The following EYA1 variants were observed in gnomAD, a reference collection of about 807,000 sequenced individuals.
The protein encoded by EYA1 is EYA transcriptional coactivator and phosphatase 1, also known as protein phosphatase EYA1.
Under a neutral mutation model 82.0 loss-of-function variants are expected in EYA1, and 16 were observed. The ratio of observed to expected loss-of-function variants is 0.20; its 90% CI spans 0.13 to 0.30. EYA1 has a LOEUF of 0.30. Among genes scored for constraint, EYA1 ranks in the 10% least tolerant of loss-of-function variants. The pLI, the probability that EYA1 is intolerant of heterozygous loss-of-function variation, is 1.00. For synonymous variants in EYA1, 261 were observed against 264.4 expected, an observed-to-expected ratio of 0.99 and a Z score of 0.12; for missense variants, 633 against 730.7, an observed-to-expected ratio of 0.87 and a Z score of 1.54.
chr8:71,511,227 T>C (rs778778101), intron 2 of EYA1, among the ~76,000 whole-genome samples: 3 of 152,342 alleles, frequency 2.0e-5, no homozygotes, highest in Middle Eastern at 6.8e-3. Context: ...AATTTGTCAA[T>C]CTATTCCTTC....
intron 1 of EYA1, among the ~76,000 whole-genome samples, chr8:71,357,382 T>G (rs1346781240): frequency 6.6e-6 from 1 of 152,250 alleles, no homozygotes; most frequent in African/African-American, 2.4e-5. Flanking sequence ...ATGTGCAGGC[T>G]TTGACAGTCA....
intron 2 of EYA1, among the ~76,000 whole-genome samples, chr8:71,406,910 C>T (rs1333691693): frequency 6.9e-6 from 1 of 145,528 alleles, no homozygotes; most frequent in East Asian, 2.0e-4. Context: ...TAGGCTCCAC[C>T]TCTGGGGGCA....
intron 2 of EYA1, among the ~76,000 whole-genome samples, chr8:71,464,364 T>C (rs1808626730): frequency 1.3e-5 from 2 of 152,352 alleles, no homozygotes; most frequent in East Asian, 1.9e-4. Flanking sequence ...TTGCAGCTTA[T>C]GTCTTTCACC....
rs546926397 is a variant in EYA1, at chr8:71,360,288, T to C, written c.-55+1359A>G. 3.9e-5 allele frequency among the ~76,000 whole-genome samples: 6 copies of C among 152,372 alleles called. No homozygotes were observed. The South Asian group carries it at 6.2e-4, about 16-fold the overall frequency. On this transcript the variant is annotated intron_variant, in intron 1 of 17. Transcript: ENST00000340726. ...TAAAGGATTGTTTTCAATATCAATT[T>C]ACTTAAAATGTTGAATGAAATACTT...
intron 3 of EYA1, among the ~76,000 whole-genome samples, chr8:71,342,110 A>G (rs1157516896): frequency 1.3e-5 from 2 of 152,104 alleles, no homozygotes; most frequent in Non-Finnish European, 1.5e-5. Context: ...CTCCATACTA[A>G]TGCTCATCTC....
At chr8:71,211,385 A>T (rs1808490353) in intron 16 of EYA1, 129 bp from the exon 17 acceptor site, 2 of 688,834 alleles carry the variant, frequency 2.9e-6, no homozygotes, top group African/African-American at 3.5e-5. Flanking sequence ...CTCTAAGAGG[A>T]ATGCTTTTAT....
intron 2 of EYA1, among the ~76,000 whole-genome samples, chr8:71,509,363 T>A (rs1812430329): frequency 6.6e-6 from 1 of 152,184 alleles, no homozygotes; most frequent in Admixed American, 6.5e-5. Flanking sequence ...TACATAAGGT[T>A]AACGTTTTAT....
intron 9 of EYA1, among the ~76,000 whole-genome samples, chr8:71,281,264 A>G (rs913837452): frequency 1.3e-5 from 2 of 152,044 alleles, no homozygotes; most frequent in Non-Finnish European, 2.9e-5. Flanking sequence ...TTTTTCTTGA[A>G]TGGTCATTAA....
chr8:71,511,078 T>G (rs1010749088), intron 2 of EYA1, among the ~76,000 whole-genome samples: 1 of 151,866 alleles, frequency 6.6e-6, no homozygotes, highest in Non-Finnish European at 1.5e-5. Context: ...ACTGTAAGAG[T>G]CTCCTAAAAA....
chr8:71,374,432 G>A (rs1206501829), intron 2 of EYA1, among the ~76,000 whole-genome samples: 1 of 152,084 alleles, frequency 6.6e-6, no homozygotes, highest in East Asian at 1.9e-4. Context: ...ACCACCATGA[G>A]ATATCACCTT....
intron 2 of EYA1, among the ~76,000 whole-genome samples, chr8:71,464,242 C>A (rs1217111083): frequency 1.3e-5 from 2 of 152,184 alleles, no homozygotes; most frequent in African/African-American, 4.8e-5. Context: ...CTCTAAGTGA[C>A]AAGTTTCACA....
At chr8:71,477,955 G>A (rs1454016431) in intron 2 of EYA1, among the ~76,000 whole-genome samples, 1 of 151,996 alleles carries the variant, frequency 6.6e-6, no homozygotes, top group Admixed American at 6.6e-5. Context: ...GAAGACATTG[G>A]GTTAAGTCAA....
intron 2 of EYA1, among the ~76,000 whole-genome samples, chr8:71,513,234 C>T (rs899660700): frequency 5.3e-5 from 8 of 151,962 alleles, no homozygotes; most frequent in African/African-American, 1.7e-4. Flanking sequence ...TGAAATAGTA[C>T]AGTATTTCAT....
chr8:71,489,996 G>A (rs943086514), intron 2 of EYA1, among the ~76,000 whole-genome samples: 3 of 152,140 alleles, frequency 2.0e-5, no homozygotes, highest in Non-Finnish European at 4.4e-5. Context: ...CAAGGTCCAG[G>A]GCCAAGTGTG....
chr8:71,546,201 A>G (rs1003619715), intron 1 of EYA1, among the ~76,000 whole-genome samples: 1 of 152,102 alleles, frequency 6.6e-6, no homozygotes, highest in Non-Finnish European at 1.5e-5. Context: ...AGCCTTGCAC[A>G]CCTATTTTTT....
chr8:71,513,774 TTCTAC>T (rs1812771148), intron 2 of EYA1, among the ~76,000 whole-genome samples: 1 of 152,124 alleles, frequency 6.6e-6, no homozygotes, highest in Admixed American at 6.6e-5. Context: ...CTTCCCAGCC[TTCTAC>T]TCTATGATGT....
intron 1 of EYA1, among the ~76,000 whole-genome samples, chr8:71,539,602 C>A (rs952420933): frequency 7.2e-5 from 11 of 152,148 alleles, no homozygotes; most frequent in Non-Finnish European, 1.2e-4. Context: ...TCAGTCCTAC[C>A]CTCAAAGAAA....
chr8:71,354,881 G>A lies in EYA1; in HGVS notation c.25C>T (p.Pro9Ser). 2 of 1,613,612 alleles carry A rather than the reference G, an allele frequency of 1.2e-6. No homozygotes were observed. The highest frequency in any genetic ancestry group is 1.7e-6 in the Non-Finnish European group (2 of 1,179,654). ...CTACTACCACTCAGACGGCTATGCG[G>A]GCTGGTTAGATCCTGCATTTCCATA... is the stretch of plus-strand genomic sequence containing the variant. MEMQDLTS[P>S]HSRLSGSSES... is the part of the protein sequence containing the mutation. The change falls in exon 3 of 18, where the codon CCG (proline) becomes TCG (serine). Residue 9 changes from proline to serine, a missense_variant. By Grantham distance (74) the Pro-to-Ser change is moderately conservative. Transcript: ENST00000340726.
chr8:71,271,903 G>A lies in EYA1; in HGVS notation c.827-6C>T. 1 of 1,614,162 alleles carries A rather than the reference G, an allele frequency of 6.2e-7. No individual in the cohort carries two copies. Among genetic ancestry groups the A allele is most frequent in the Non-Finnish European group, 8.5e-7 (1 of 1,180,024 alleles). ...GCTGTGGATTGTGCTGTACTCTGCA[G>A]GAATATAGGAAGGACTTTCATCTTT... is the stretch of plus-strand genomic sequence containing the variant. On this transcript the variant is annotated splice_polypyrimidine_tract_variant and splice_region_variant and intron_variant, in intron 9 of 17. Coordinates refer to ENST00000340726, the MANE Select transcript of EYA1 (RefSeq NM_000503.6).
Sources: allele counts gnomAD v4.1 joint callset (sites outside exome capture counted in the v4.1 genomes callset), GRCh38; gene constraint gnomAD v4.1.1; transcripts MANE v1.5; gene names NCBI Gene and HGNC (gene_info 2026-07-23, HGNC 2026-07-21).